The following SLC8A1 variants were observed in gnomAD, a reference collection of about 807,000 sequenced individuals.
SLC8A1 encodes the protein sodium/calcium exchanger 1.
SLC8A1 carries 18 observed loss-of-function variants against 68.3 expected under a neutral mutation model. That is an observed-to-expected ratio of 0.26 (90% CI 0.18 to 0.39). The LOEUF (loss-of-function observed/expected upper bound fraction) is 0.39, where lower values mean the gene tolerates loss of function less well. SLC8A1 is among the 10% of genes least tolerant of loss of function. The pLI is 1.00. For synonymous variants in SLC8A1, 475 were observed against 415.5 expected (o/e 1.14, Z -1.74); for missense variants, 985 against 1,156.7 (o/e 0.85, Z 2.15).
At chr2:40,370,103 C>T (rs1292935016) in intron 2 of SLC8A1, among the ~76,000 whole-genome samples, 1 of 152,034 alleles carries the variant, frequency 6.6e-6, no homozygotes, top group African/African-American at 2.4e-5. Context: ...TGTGTAAATT[C>T]TAGATGATCT....
Position 40,485,893 on chromosome 2 carries a change from T to A in SLC8A1, c.-25+26456A>T, listed in dbSNP as rs1363647899. 3.3e-5 allele frequency among the ~76,000 whole-genome samples: 5 copies of A among 152,280 alleles called. No homozygotes were observed. In the East Asian group the frequency reaches 5.8e-4, roughly 18 times the overall value. On this transcript the variant is annotated intron_variant, in intron 1 of 7. Transcript: ENST00000402441. ...TCAAATTGGACACTCAATATTTGTTTAAAGAATAAATTGATACATAAATTG... is the reference window on the plus strand; with the variant it reads ...TCAAATTGGACACTCAATATTTGTTAAAAGAATAAATTGATACATAAATTG...
chr2:40,266,875 A>G (rs1262940015), intron 2 of SLC8A1, among the ~76,000 whole-genome samples: 1 of 152,176 alleles, frequency 6.6e-6, no homozygotes, highest in East Asian at 1.9e-4. Context: ...AACAGGCATG[A>G]CTGGCTTATT....
chr2:40,454,594 G>GA (rs1217290741), upstream of SLC8A1, among the ~76,000 whole-genome samples: 3 of 151,470 alleles, frequency 2.0e-5, no homozygotes, highest in Non-Finnish European at 2.9e-5. Flanking sequence ...GGATTCTTGG[G>GA]AAAAAAACAA....
chr2:40,429,205 T>C, exon 2 of SLC8A1: 1 of 1,613,840 alleles, frequency 6.2e-7, no homozygotes, highest in Non-Finnish European at 8.5e-7. Flanking sequence ...TGCTCTACTT[T>C]TTTGCTGCTG....
intron 2 of SLC8A1, among the ~76,000 whole-genome samples, chr2:40,205,323 C>G (rs954451670): frequency 2.0e-5 from 3 of 151,944 alleles, no homozygotes; most frequent in Non-Finnish European, 4.4e-5. Flanking sequence ...TCTCTCTAGC[C>G]TATTGACCCA....
intron 1 of SLC8A1, among the ~76,000 whole-genome samples, chr2:40,497,180 G>A (rs1705767964): frequency 1.3e-5 from 2 of 151,912 alleles, no homozygotes; most frequent in South Asian, 4.2e-4. Flanking sequence ...AATAAAGAAG[G>A]GAAAGACCTC....
At chr2:40,202,721 G>A (rs536876296) in intron 2 of SLC8A1, among the ~76,000 whole-genome samples, 2 of 152,014 alleles carry the variant, frequency 1.3e-5, no homozygotes, top group Admixed American at 6.6e-5. Flanking sequence ...ACACAAACAG[G>A]GAGAGACCTA....
intron 1 of SLC8A1, among the ~76,000 whole-genome samples, chr2:40,495,924 A>T (rs1705666880): frequency 6.6e-6 from 1 of 152,084 alleles, no homozygotes; most frequent in South Asian, 2.1e-4. Flanking sequence ...GCCAGAAATT[A>T]TGTGATTCTC....
chr2:40,346,002 T>TA (rs1268429980), intron 2 of SLC8A1, among the ~76,000 whole-genome samples: 1 of 109,190 alleles, frequency 9.2e-6, no homozygotes, highest in African/African-American at 3.6e-5. Flanking sequence ...CCCCAGAACT[T>TA]AAAGTAAAAT....
chr2:40,465,120 T>A (rs1394174122), intron 1 of SLC8A1, among the ~76,000 whole-genome samples: 1 of 152,166 alleles, frequency 6.6e-6, no homozygotes, highest in Non-Finnish European at 1.5e-5. Context: ...TCGGGGGCAA[T>A]TTTAAAATTC....
intron 2 of SLC8A1, among the ~76,000 whole-genome samples, chr2:40,302,514 CATAT>C (rs1228495153): frequency 6.9e-6 from 1 of 145,466 alleles, no homozygotes; most frequent in Non-Finnish European, 1.5e-5. Context: ...TGTGTGTATA[CATAT>C]ATAACATATA....
intron 1 of SLC8A1, among the ~76,000 whole-genome samples, chr2:40,490,379 T>G (rs899262228): frequency 3.3e-5 from 5 of 152,118 alleles, no homozygotes; most frequent in Non-Finnish European, 7.4e-5. Flanking sequence ...TCAGATCACT[T>G]AGTCCTCATT....
chr2:40,230,512 G>C (rs2059518350), intron 2 of SLC8A1, among the ~76,000 whole-genome samples: 1 of 152,128 alleles, frequency 6.6e-6, no homozygotes, highest in Admixed American at 6.6e-5. Flanking sequence ...GCCTTCACCT[G>C]TTTCACAATC....
At chr2:40,140,416 C>G (rs544528240) in intron 6 of SLC8A1, among the ~76,000 whole-genome samples, 18 of 152,320 alleles carry the variant, frequency 1.2e-4, no homozygotes, top group East Asian at 1.2e-3. Flanking sequence ...TGACCTCCCC[C>G]CAAACCCATG....
chr2:40,227,337 C>T (rs2148875959), intron 2 of SLC8A1, among the ~76,000 whole-genome samples: 1 of 152,216 alleles, frequency 6.6e-6, no homozygotes, highest in East Asian at 1.9e-4. Context: ...GAGTACCACA[C>T]TCTGTGATCT....
chr2:40,224,486 G>A (rs1266568988), intron 2 of SLC8A1, among the ~76,000 whole-genome samples: 1 of 152,066 alleles, frequency 6.6e-6, no homozygotes, highest in African/African-American at 2.4e-5. Flanking sequence ...GATTTAATGT[G>A]TTCTTGGCAC....
At chr2:40,239,990 A>T (rs1313001994) in intron 2 of SLC8A1, among the ~76,000 whole-genome samples, 1 of 152,226 alleles carries the variant, frequency 6.6e-6, no homozygotes, top group Non-Finnish European at 1.5e-5. Flanking sequence ...CATGTGAATG[A>T]AATGTCCCAG....
At chr2:40,363,808 G>C (rs899233952) in intron 2 of SLC8A1, among the ~76,000 whole-genome samples, 8 of 151,958 alleles carry the variant, frequency 5.3e-5, no homozygotes, top group Admixed American at 5.3e-4. Context: ...TGGGCCCTGA[G>C]TTATAACATT....
intron 2 of SLC8A1, among the ~76,000 whole-genome samples, chr2:40,301,727 T>C (rs540780868): frequency 2.0e-5 from 3 of 152,264 alleles, no homozygotes; most frequent in Admixed American, 6.5e-5. Context: ...AAGTTCCTTA[T>C]CCATAAAATT....
Sources: gnomAD v4.1 joint callset for allele counts (sites outside exome capture counted in the v4.1 genomes callset) on GRCh38, gnomAD v4.1.1 for gene constraint, MANE v1.5 for transcripts, NCBI Gene and HGNC (gene_info 2026-07-23, HGNC 2026-07-21) for gene names.